MICU1: variants seen among roughly 807,000 people sequenced by gnomAD.
MICU1 encodes the protein mitochondrial calcium uptake 1.
A neutral mutation model predicts 56.8 loss-of-function variants in MICU1; 45 were observed. The observed-to-expected ratio is 0.79, with a 90% CI of 0.62 to 1.02. The LOEUF is 1.02. Among genes scored for constraint, MICU1 ranks in the 50% least tolerant of loss-of-function variants. MICU1 has a pLI of 0.00. For missense variants in MICU1, 504 were observed against 587.1 expected (o/e 0.86, Z 1.46); for synonymous variants, 186 against 195.1 (o/e 0.95, Z 0.39).
At chr10:72,560,715 C>T (rs1840275316) in intron 3 of MICU1, among the ~76,000 whole-genome samples, 4 of 151,894 alleles carry the variant, frequency 2.6e-5, no homozygotes, top group Admixed American at 2.6e-4. Flanking sequence ...ACTGAAAATG[C>T]AAAAGTTAGC....
chr10:72,503,502 A>G (rs1451801527), intron 6 of MICU1, among the ~76,000 whole-genome samples: 1 of 152,164 alleles, frequency 6.6e-6, no homozygotes, highest in Non-Finnish European at 1.5e-5. Context: ...TAAATATCCT[A>G]AAGTGAACTG....
intron 5 of MICU1, among the ~76,000 whole-genome samples, chr10:72,529,946 C>CTT (rs11338457): frequency 0.018 from 1,792 of 100,780 alleles, 77 homozygotes; most frequent in African/African-American, 0.065. Flanking sequence ...GGGGAAGGTG[C>CTT]TTTTTTTTTT....
At chr10:72,439,587 A>G (rs1864851553) in intron 8 of MICU1, among the ~76,000 whole-genome samples, 1 of 152,228 alleles carries the variant, frequency 6.6e-6, no homozygotes, top group Admixed American at 6.5e-5. Context: ...AGGGTATTCA[A>G]TTAGGAAATG....
At chr10:72,599,960 A>G (rs1010395645) in intron 1 of MICU1, among the ~76,000 whole-genome samples, 6 of 152,228 alleles carry the variant, frequency 3.9e-5, no homozygotes, top group African/African-American at 1.4e-4. Flanking sequence ...GATCTACAAT[A>G]AAATGAATCT....
chr10:72,386,184 C>CT lies in MICU1; in HGVS notation c.1181-10313dup, dbSNP rs1296470099. On this transcript the variant is annotated intron_variant, in intron 10 of 11. Coordinates refer to ENST00000361114, the MANE Select transcript of MICU1 (RefSeq NM_001195518.2). Reference sequence around the variant, plus strand: ...GGAAGGCATTTATGATTGGGAATGTCTTTTTTTTTTGGAGGGGGACGGAGT... The same window carrying CT: ...GGAAGGCATTTATGATTGGGAATGTCTTTTTTTTTTTGGAGGGGGACGGAGT... Among the ~76,000 whole-genome samples the CT allele has an allele frequency of 3.9e-3, 586 of 149,050 alleles. 5 individuals are homozygous for CT. Among genetic ancestry groups the CT allele is most frequent in the African/African-American group, 0.013 (547 of 40,850 alleles).
chr10:72,409,562 G>A (rs1197996812), intron 9 of MICU1, among the ~76,000 whole-genome samples: 2 of 152,178 alleles, frequency 1.3e-5, no homozygotes, highest in Non-Finnish European at 2.9e-5. Flanking sequence ...GTGGTGGCAT[G>A]TGCCTATAGT....
intron 6 of MICU1, among the ~76,000 whole-genome samples, chr10:72,506,065 T>C (rs948565750): frequency 2.0e-5 from 3 of 151,320 alleles, no homozygotes; most frequent in African/African-American, 7.3e-5. Flanking sequence ...TCTTCATTCC[T>C]GACAAACATA....
rs1055152391 is a variant in MICU1 at position 72,367,661 on chromosome 10, A to C, written c.*534T>G. The C allele has an allele frequency of 6.5e-6, 1 of 153,620 alleles. No homozygotes were observed. Among genetic ancestry groups the C allele is most frequent in the Non-Finnish European group, 1.5e-5 (1 of 68,944 alleles). 9.5% of individuals were successfully genotyped at this position (153,620 alleles called of 1,614,324 possible). On this transcript the variant is annotated 3_prime_UTR_variant, in exon 12 of 12. Coordinates refer to ENST00000361114, the MANE Select transcript of MICU1 (RefSeq NM_001195518.2). Reference sequence around the variant, plus strand: ...GGCCTTGGAGCCATCCCAGGGACTAACACAGATCCTTCCTGGGGCGCAGGC... The same window carrying C: ...GGCCTTGGAGCCATCCCAGGGACTACCACAGATCCTTCCTGGGGCGCAGGC...
chr10:72,529,324 A>T (rs1839410616), intron 5 of MICU1, among the ~76,000 whole-genome samples: 1 of 152,170 alleles, frequency 6.6e-6, no homozygotes, highest in Non-Finnish European at 1.5e-5. Context: ...GGGAATCAAT[A>T]GGTAGGAAAG....
chr10:72,414,479 T>C (rs1863920093), intron 9 of MICU1, among the ~76,000 whole-genome samples: 2 of 152,140 alleles, frequency 1.3e-5, no homozygotes, highest in African/African-American at 2.4e-5. Context: ...GTCCAGTAAA[T>C]GCAAGTCTAT....
intron 6 of MICU1, among the ~76,000 whole-genome samples, chr10:72,499,886 C>CACACA (rs2132324023): frequency 6.6e-6 from 1 of 152,264 alleles, no homozygotes; most frequent in African/African-American, 2.4e-5. Flanking sequence ...TTGTGATCTG[C>CACACA]TCTTGACTTC....
chr10:72,393,528 C>A (rs1279503604), intron 10 of MICU1, among the ~76,000 whole-genome samples: 1 of 151,946 alleles, frequency 6.6e-6, no homozygotes, highest in African/African-American at 2.4e-5. Flanking sequence ...GTGAAAAGAA[C>A]AATGTGGAGT....
At chr10:72,549,506 T>C (rs1472615983) in intron 4 of MICU1, among the ~76,000 whole-genome samples, 1 of 152,172 alleles carries the variant, frequency 6.6e-6, no homozygotes, top group East Asian at 1.9e-4. Flanking sequence ...GTTTGTATTT[T>C]TGACCACACA....
chr10:72,573,270 G>A (rs1174383482), intron 1 of MICU1, among the ~76,000 whole-genome samples: 1 of 115,712 alleles, frequency 8.6e-6, no homozygotes, highest in East Asian at 3.1e-4. Context: ...AGGAGTTTGA[G>A]ACCAGCCTGG....
chr10:72,379,149 C>A (rs1459217102), intron 10 of MICU1, among the ~76,000 whole-genome samples: 1 of 152,140 alleles, frequency 6.6e-6, no homozygotes, highest in South Asian at 2.1e-4. Context: ...ACAGAAGGAA[C>A]AGAAATCAGG....
intron 10 of MICU1, among the ~76,000 whole-genome samples, chr10:72,401,255 G>A (rs1358041013): frequency 6.6e-6 from 1 of 152,200 alleles, no homozygotes; most frequent in Non-Finnish European, 1.5e-5. Context: ...CTTTACTGAG[G>A]TGTAATTGAC....
intron 1 of MICU1, among the ~76,000 whole-genome samples, chr10:72,622,910 T>C (rs1044728820): frequency 1.3e-5 from 2 of 152,084 alleles, no homozygotes; most frequent in Non-Finnish European, 2.9e-5. Context: ...AGAATATCCA[T>C]CTAAAAACAA....
chr10:72,566,993 TAGTC>T (rs1489970021), intron 1 of MICU1, among the ~76,000 whole-genome samples, 199 bp from the exon 2 acceptor site: 1 of 152,158 alleles, frequency 6.6e-6, no homozygotes, highest in African/African-American at 2.4e-5. Flanking sequence ...ACTGATATAT[TAGTC>T]AAAGTACAAT....
At chr10:72,584,056 T>A (rs543488224) in intron 1 of MICU1, among the ~76,000 whole-genome samples, 1 of 152,300 alleles carries the variant, frequency 6.6e-6, no homozygotes, top group East Asian at 1.9e-4. Flanking sequence ...ACAAGTATCA[T>A]CTCACAGAAA....
Sources: gnomAD v4.1 joint callset for allele counts (sites outside exome capture counted in the v4.1 genomes callset) on GRCh38, gnomAD v4.1.1 for gene constraint, MANE v1.5 for transcripts, NCBI Gene and HGNC (gene_info 2026-07-23, HGNC 2026-07-21) for gene names.